NELL2: variants seen among roughly 807,000 people sequenced by gnomAD.
NELL2 encodes the protein protein kinase C-binding protein NELL2.
In NELL2, 41 loss-of-function variants were observed where a neutral mutation model predicts 109.6. The ratio of observed to expected loss-of-function variants is 0.37; its 90% CI spans 0.29 to 0.49. The LOEUF (loss-of-function observed/expected upper bound fraction) is 0.49, where lower values mean the gene tolerates loss of function less well. Among genes scored for constraint, NELL2 ranks in the 20% least tolerant of loss-of-function variants. The pLI is 0.98. For synonymous variants in NELL2, 355 were observed against 344.7 expected (o/e 1.03, Z -0.33); for missense variants, 900 against 1,008.3 (o/e 0.89, Z 1.45).
chr12:44,739,540 G>T (rs947998589), intron 9 of NELL2, among the ~76,000 whole-genome samples: 19 of 152,114 alleles, frequency 1.2e-4, no homozygotes, highest in African/African-American at 4.3e-4. Flanking sequence ...AAAATTAAAA[G>T]AAGAGTATTT....
chr12:44,659,883 G>A (rs531723607), intron 13 of NELL2, among the ~76,000 whole-genome samples: 1 of 152,176 alleles, frequency 6.6e-6, no homozygotes, highest in East Asian at 1.9e-4. Flanking sequence ...GCATCAGAAG[G>A]CCCTGGGATA....
chr12:44,725,552 G>A lies in NELL2; in HGVS notation c.995-10811C>T, dbSNP rs182743606. 4.6e-5 allele frequency among the ~76,000 whole-genome samples: 7 copies of A among 152,166 alleles called. No homozygotes were observed. The East Asian group carries it at 7.7e-4, about 17-fold the overall frequency. ...CTTTCTACCATAAAGACACATGCAC[G>A]TGATTGTTCACTGCAGCACTATTCA... On this transcript the variant is annotated intron_variant, in intron 9 of 19. Transcript: ENST00000429094.
At chr12:44,535,018 C>T (rs1024640811) in intron 15 of NELL2, among the ~76,000 whole-genome samples, 1 of 151,970 alleles carries the variant, frequency 6.6e-6, no homozygotes, top group South Asian at 2.1e-4. Context: ...ATACTCATTT[C>T]TTCTTAATTA....
intron 2 of NELL2, among the ~76,000 whole-genome samples, chr12:44,867,233 G>A (rs1483366957): frequency 6.6e-6 from 1 of 152,042 alleles, no homozygotes; most frequent in Non-Finnish European, 1.5e-5. Context: ...AATCCTCAAC[G>A]AAATACTAGC....
chr12:44,805,493 T>G (rs572146982), intron 3 of NELL2, among the ~76,000 whole-genome samples: 1 of 151,996 alleles, frequency 6.6e-6, no homozygotes, highest in Admixed American at 6.6e-5. Flanking sequence ...AGTGAGCTGT[T>G]GAAAAAATTG....
At chr12:44,782,263 T>A (rs1029641986) in intron 3 of NELL2, among the ~76,000 whole-genome samples, 2 of 151,742 alleles carry the variant, frequency 1.3e-5, no homozygotes, top group African/African-American at 4.8e-5. Flanking sequence ...TACAAAGCTA[T>A]ACAAAGAGAC....
chr12:44,648,796 C>T (rs1947193755), intron 13 of NELL2, among the ~76,000 whole-genome samples: 1 of 133,222 alleles, frequency 7.5e-6, no homozygotes, highest in Non-Finnish European at 1.5e-5. Context: ...AGTGCAGTGG[C>T]GTGATCTCGG....
intron 13 of NELL2, among the ~76,000 whole-genome samples, chr12:44,663,081 T>A (rs1045646209): frequency 6.6e-6 from 1 of 152,204 alleles, no homozygotes; most frequent in African/African-American, 2.4e-5. Context: ...AGGAACAGGA[T>A]AGAAGACTTT....
At chr12:44,513,560 C>T (rs1412663284) in intron 19 of NELL2, among the ~76,000 whole-genome samples, 1 of 151,728 alleles carries the variant, frequency 6.6e-6, no homozygotes, top group African/African-American at 2.4e-5. Flanking sequence ...AATGGTAAAA[C>T]TTGGCAGAGA....
In NELL2 at chr12:44,757,080, C is replaced by T. The variant is rs572798471; in HGVS notation, c.994+17667G>A. On this transcript the variant is annotated intron_variant, in intron 9 of 19. Coordinates refer to ENST00000429094, the MANE Select transcript of NELL2 (RefSeq NM_001145108.2). ...TCAATAAATAGTATAATCATCATAG[C>T]CATCCATCCACTTTGCACAAGTCTG... 5.0e-4 allele frequency among the ~76,000 whole-genome samples: 76 copies of T among 152,290 alleles called. 1 individual carries two copies. In the Middle Eastern group the frequency reaches 0.02, roughly 41 times the overall value.
At chr12:44,901,824 A>G (rs1945664031) in intron 1 of NELL2, among the ~76,000 whole-genome samples, 1 of 152,350 alleles carries the variant, frequency 6.6e-6, no homozygotes, top group Non-Finnish European at 1.5e-5. Context: ...CAATAGATGC[A>G]GAAAAGGCCT....
intron 12 of NELL2, among the ~76,000 whole-genome samples, chr12:44,692,000 T>C (rs1948913357): frequency 6.6e-6 from 1 of 152,182 alleles, no homozygotes; most frequent in Non-Finnish European, 1.5e-5. Flanking sequence ...GCTAAGACCA[T>C]TGGCCAAGTT....
chr12:44,538,373 G>A (rs774120853), intron 15 of NELL2, among the ~76,000 whole-genome samples: 4 of 152,322 alleles, frequency 2.6e-5, no homozygotes, highest in South Asian at 2.1e-4. Context: ...TAACTGGCTC[G>A]TAAGAGGTAT....
intron 12 of NELL2, among the ~76,000 whole-genome samples, chr12:44,679,232 A>C (rs1323917410): frequency 1.3e-5 from 2 of 152,126 alleles, no homozygotes; most frequent in African/African-American, 4.8e-5. Context: ...ATGCTGGCTT[A>C]TGAAATTGGA....
At position 44,523,465 on chromosome 12, in the gene NELL2, G is replaced by C; in HGVS notation, c.1824C>G (p.Thr608=). The change falls in exon 17 of 20, where the codon ACC becomes ACG. Residue 608 remains threonine, a synonymous_variant. Transcript: ENST00000429094. The stretch of plus-strand genomic sequence containing the variant: ...TATCATTGGCACAGCTGTGCCTCCC[G>C]GTCCCACACTCATCAATATCTATAG... ...ESCEDIDECG[T]GRHSCANDTI... is the part of the protein sequence containing the mutation. 6.2e-7 allele frequency: 1 copy of C among 1,613,512 alleles called. No homozygotes were observed. Among genetic ancestry groups the C allele is most frequent in the Non-Finnish European group, 8.5e-7 (1 of 1,179,938 alleles).
intron 1 of NELL2, among the ~76,000 whole-genome samples, chr12:44,900,076 T>C (rs1042155489): frequency 4.6e-5 from 7 of 152,078 alleles, no homozygotes; most frequent in African/African-American, 7.2e-5. Flanking sequence ...CCTAAACATA[T>C]ATGCACTCAA....
At chr12:44,856,203 T>C (rs1316127999) in intron 2 of NELL2, among the ~76,000 whole-genome samples, 1 of 152,170 alleles carries the variant, frequency 6.6e-6, no homozygotes, top group Non-Finnish European at 1.5e-5. Flanking sequence ...AACAAATATA[T>C]AGAGATGCTC....
intron 15 of NELL2, among the ~76,000 whole-genome samples, chr12:44,561,227 T>A (rs1370341536): frequency 6.6e-6 from 1 of 152,214 alleles, no homozygotes; most frequent in Non-Finnish European, 1.5e-5. Flanking sequence ...AATATCATAC[T>A]GAATGGGAAA....
At chr12:44,665,411 G>T in intron 13 of NELL2, 73 bp downstream of exon 13, 3 of 1,336,842 alleles carry the variant, frequency 2.2e-6, no homozygotes, top group Non-Finnish European at 2.0e-6. Context: ...TCAAAAAAAT[G>T]AGAGTCAAAG....
Sources: allele counts gnomAD v4.1 joint callset (sites outside exome capture counted in the v4.1 genomes callset), GRCh38; gene constraint gnomAD v4.1.1; transcripts MANE v1.5; gene names NCBI Gene and HGNC (gene_info 2026-07-23, HGNC 2026-07-21).